Variants in DCLRE1C observed in about 807,000 individuals in gnomAD.
DCLRE1C encodes DNA cross-link repair 1C.
A neutral mutation model predicts 61.4 loss-of-function variants in DCLRE1C; 47 were observed. The observed-to-expected ratio is 0.77, with a 90% CI of 0.61 to 0.98. DCLRE1C has a LOEUF of 0.98. Among genes scored for constraint, DCLRE1C ranks in the 50% least tolerant of loss-of-function variants. The probability of loss-of-function intolerance (pLI) is 0.00; values close to 1 mark genes in which losing one functional copy is unlikely to be tolerated. For missense variants in DCLRE1C, 858 were observed against 816.0 expected (o/e 1.05, Z -0.63); for synonymous variants, 337 against 287.6 (o/e 1.17, Z -1.74).
In DCLRE1C at chr10:14,924,645, G is replaced by A. The variant is rs899779419; in HGVS notation, c.973-1576C>T. Among the ~76,000 whole-genome samples the A allele has an allele frequency of 6.6e-5, 10 of 152,082 alleles. No homozygotes were observed. The South Asian group carries it at 8.3e-4, about 13-fold the overall frequency. ...GGGTGGATCACAAGGTCAGGAGTTCGAGACCAACCTGGCTAACACGGTGAA... is the reference window on the plus strand; with the variant it reads ...GGGTGGATCACAAGGTCAGGAGTTCAAGACCAACCTGGCTAACACGGTGAA... On this transcript the variant is annotated intron_variant, in intron 11 of 13. Coordinates refer to ENST00000378278, the MANE Select transcript of DCLRE1C (RefSeq NM_001033855.3).
At chr10:14,944,541 G>C (rs1470282964) in intron 3 of DCLRE1C, among the ~76,000 whole-genome samples, 5 of 152,002 alleles carry the variant, frequency 3.3e-5, no homozygotes, top group South Asian at 2.1e-4. Flanking sequence ...CTTAGCAAGA[G>C]GGTCAATGAG....
rs536205142 is a variant in DCLRE1C, at chr10:14,945,156, A to G, written c.195T>C (p.Thr65=). The G allele has an allele frequency of 6.2e-7, 1 of 1,613,268 alleles. No individual in the cohort carries two copies. The highest frequency in any genetic ancestry group is 1.7e-5 in the Admixed American group (1 of 59,988). The change falls in exon 3 of 14, where the codon ACT becomes ACC. Residue 65 remains threonine, a synonymous_variant. Coordinates refer to ENST00000378278, the MANE Select transcript of DCLRE1C (RefSeq NM_001033855.3). ...TCGGGCTCGTTAACAACAACTCCTT[A>G]GTCACAGGTGAACAGTATAGATAAA... ...LKVYLYCSPV[T]KELLLTSPKY...
Position 14,923,057 on chromosome 10 carries a change from A to T in DCLRE1C, c.985T>A (p.Leu329Met), listed in dbSNP as rs41299658. 1.2e-3 allele frequency: 1,872 copies of T among 1,613,718 alleles called. 3 individuals are homozygous for T. The highest frequency in any genetic ancestry group is 1.5e-3 in the Non-Finnish European group (1,780 of 1,179,560). ...HSSYSEIKDF[L>M]SYLCPVNAYP... ...GCGTTCACAGGACAGAGGTAGCTCA[A>T]GAAATCTTTAATCTAGAAAAAGGAA... The change falls in exon 12 of 14, where the codon TTG becomes ATG. Residue 329 changes from leucine to methionine, a missense_variant. Coordinates refer to ENST00000378278, the MANE Select transcript of DCLRE1C (RefSeq NM_001033855.3).
intron 4 of DCLRE1C, 39 bp from the exon 5 acceptor site, chr10:14,936,632 G>T: frequency 7.0e-7 from 1 of 1,436,184 alleles, no homozygotes; most frequent in Non-Finnish European, 9.8e-7. Context: ...ATGGAAAGCA[G>T]TTATCATTAG....
At position 14,941,501 on chromosome 10, in the gene DCLRE1C, G is replaced by A. The variant is rs552332698; in HGVS notation, c.247-1632C>T. On this transcript the variant is annotated intron_variant, in intron 3 of 13. Transcript: ENST00000378278. The stretch of plus-strand genomic sequence containing the variant: ...GGGGTTTTGCAGTATTGCCCAGGCC[G>A]GTTTCGAACTCCTGGACTCACACAA... 1.1e-4 allele frequency among the ~76,000 whole-genome samples: 17 copies of A among 152,252 alleles called. No individual in the cohort carries two copies. In the South Asian group the frequency reaches 2.1e-3, roughly 19 times the overall value.
intron 10 of DCLRE1C, 56 bp from the exon 11 acceptor site, chr10:14,926,953 G>A (rs994649857): frequency 3.3e-5 from 48 of 1,453,326 alleles, no homozygotes; most frequent in Middle Eastern, 1.9e-4. Flanking sequence ...CTAAAACTAA[G>A]CAAAGCTGGC....
chr10:14,914,513 C>G (rs1220534437), intron 13 of DCLRE1C, among the ~76,000 whole-genome samples: 4 of 152,174 alleles, frequency 2.6e-5, no homozygotes, highest in Admixed American at 6.6e-5. Flanking sequence ...CTAACTTAGC[C>G]TAGTTGACAT....
chr10:14,937,457 T>C (rs1347311049), intron 4 of DCLRE1C, among the ~76,000 whole-genome samples: 1 of 152,016 alleles, frequency 6.6e-6, no homozygotes, highest in Non-Finnish European at 1.5e-5. Context: ...TAATTTTTTG[T>C]ATTTTTAGTA....
intron 12 of DCLRE1C, among the ~76,000 whole-genome samples, chr10:14,920,123 A>G (rs2130747750): frequency 6.6e-6 from 1 of 152,306 alleles, no homozygotes; most frequent in Middle Eastern, 3.4e-3. Context: ...AGACTAAGGT[A>G]AAACTTAGAT....
At chr10:14,925,225 T>TAAAAAAAAA (rs67477083) in intron 11 of DCLRE1C, among the ~76,000 whole-genome samples, 4 of 109,320 alleles carry the variant, frequency 3.7e-5, no homozygotes, top group African/African-American at 7.3e-5. Flanking sequence ...ATAAAGGATT[T>TAAAAAAAAA]AAAAAAAAAA....
intron 11 of DCLRE1C, among the ~76,000 whole-genome samples, chr10:14,926,603 G>A (rs562816605): frequency 4.9e-4 from 71 of 144,808 alleles, no homozygotes; most frequent in Non-Finnish European, 3.9e-4. Context: ...GCAGTGAGCC[G>A]AGAACACACC....
At chr10:14,902,372 T>C, downstream of DCLRE1C, 1 of 1,427,952 alleles carries the variant, frequency 7.0e-7, no homozygotes, top group African/African-American at 1.4e-5. Context: ...GTCTTAACTC[T>C]CTTTCTCCTA....
chr10:14,925,044 AC>A (rs1393144549), intron 11 of DCLRE1C, among the ~76,000 whole-genome samples: 6 of 151,946 alleles, frequency 3.9e-5, no homozygotes, highest in Admixed American at 2.0e-4. Flanking sequence ...TAAAAGGGCT[AC>A]TTTAAGACAG....
chr10:14,926,495 T>A (rs1358074743), intron 11 of DCLRE1C, among the ~76,000 whole-genome samples: 1 of 151,680 alleles, frequency 6.6e-6, no homozygotes, highest in Non-Finnish European at 1.5e-5. Flanking sequence ...CTGCTAAAAA[T>A]ACAAAAATTT....
chr10:14,946,313 T>C (rs142751407), intron 2 of DCLRE1C, among the ~76,000 whole-genome samples: 7 of 152,186 alleles, frequency 4.6e-5, no homozygotes, highest in African/African-American at 1.7e-4. Flanking sequence ...CAGACCATAA[T>C]AAACTTTTAA....
Position 14,909,241 on chromosome 10 carries a change from A to C in DCLRE1C, c.1246T>G (p.Phe416Val). 1 of 1,613,874 alleles carries C rather than the reference A, an allele frequency of 6.2e-7. No individual in the cohort carries two copies. Among genetic ancestry groups the C allele is most frequent in the Non-Finnish European group, 8.5e-7 (1 of 1,179,938 alleles). The change falls in exon 14 of 14, where the codon TTT becomes GTT. Residue 416 changes from phenylalanine to valine, a missense_variant. Coordinates refer to ENST00000378278, the MANE Select transcript of DCLRE1C (RefSeq NM_001033855.3). ...TTTTCTGATACTGCAGTCATTGAAA[A>C]TACCTCAGGGTGAAAAGTTTCCGGG... Reference protein sequence around the residue: ...PYPETFHPEVFSMTAVSEKQP... With the variant: ...PYPETFHPEVVSMTAVSEKQP...
chr10:14,902,219 AAC>A (rs1461420027), downstream of DCLRE1C, among the ~76,000 whole-genome samples: 1 of 152,236 alleles, frequency 6.6e-6, no homozygotes, highest in African/African-American at 2.4e-5. Context: ...GCTGAATATT[AAC>A]ATTTATTTGT....
At position 14,954,035 on chromosome 10, in the gene DCLRE1C, G is replaced by A; in HGVS notation, c.-25C>T. The A allele has an allele frequency of 6.2e-7, 1 of 1,613,672 alleles. No homozygotes were observed. Among genetic ancestry groups the A allele is most frequent in the South Asian group, 1.1e-5 (1 of 91,078 alleles). On this transcript the variant is annotated 5_prime_UTR_variant, in exon 1 of 14. Coordinates refer to ENST00000378278, the MANE Select transcript of DCLRE1C (RefSeq NM_001033855.3). The stretch of plus-strand genomic sequence containing the variant: ...TAGCGCCGCCGATCCCAGAGTCCGG[G>A]ACCCCAAAACCGCAGCTGAAGCCAA...
chr10:14,923,280 T>C lies in DCLRE1C; in HGVS notation c.973-211A>G, dbSNP rs1588986528. On this transcript the variant is annotated intron_variant, in intron 11 of 13. Coordinates refer to ENST00000378278, the MANE Select transcript of DCLRE1C (RefSeq NM_001033855.3). Reference sequence around the variant, plus strand: ...CAAAGATCTCCTGAACACTGAGTACTAGTGGGCCTAGAAATCAGTACATTT... The same window carrying C: ...CAAAGATCTCCTGAACACTGAGTACCAGTGGGCCTAGAAATCAGTACATTT... 13 of 542,410 alleles carry C rather than the reference T, an allele frequency of 2.4e-5. No individual in the cohort carries two copies. The East Asian group carries it at 4.0e-4, about 17-fold the overall frequency. 33.6% of individuals were successfully genotyped at this position (542,410 alleles called of 1,614,324 possible). A position where few individuals can be genotyped will look rare whatever the true frequency, so the allele number is the denominator to read the frequency against.
Sources: gnomAD v4.1 joint callset for allele counts (sites outside exome capture counted in the v4.1 genomes callset) on GRCh38, gnomAD v4.1.1 for gene constraint, MANE v1.5 for transcripts, NCBI Gene and HGNC (gene_info 2026-07-23, HGNC 2026-07-21) for gene names.